The following TRIM26 variants were observed in gnomAD, a reference collection of about 807,000 sequenced individuals.
The protein encoded by TRIM26 is tripartite motif-containing protein 26.
Under a neutral mutation model 45.5 loss-of-function variants are expected in TRIM26, and 16 were observed. That is an observed-to-expected ratio of 0.35 (90% CI 0.24 to 0.53). TRIM26 has a LOEUF of 0.53. Ranked by LOEUF, TRIM26 falls within the 20% of genes least tolerant of loss-of-function variation. TRIM26 has a pLI of 0.92. For synonymous variants in TRIM26, 273 were observed against 290.4 expected, an observed-to-expected ratio of 0.94 and a Z score of 0.61; for missense variants, 442 against 691.1, an observed-to-expected ratio of 0.64 and a Z score of 4.04.
rs750277681 is a variant in TRIM26, at chr6:30,204,380, AAAAG to A, written c.-266+272_-266+275del. ...GCTTTGTAAGCGGAGTAATGCTGAC[AAAAG>A]AAAGGGGGCATATATTCTGCTGATA... On this transcript the variant is annotated intron_variant, in intron 2 of 9. Coordinates refer to ENST00000454678, the MANE Select transcript of TRIM26 (RefSeq NM_003449.5). 2.0e-5 allele frequency among the ~76,000 whole-genome samples: 3 copies of A among 152,350 alleles called. No individual in the cohort carries two copies. In the South Asian group the frequency reaches 6.2e-4, roughly 32 times the overall value.
rs1379727550 is a variant in TRIM26 at position 30,185,802 on chromosome 6, C to T, written c.*74G>A. 1.1e-5 allele frequency: 17 copies of T among 1,506,492 alleles called. No homozygotes were observed. Among genetic ancestry groups the T allele is most frequent in the Non-Finnish European group, 1.4e-5 (16 of 1,117,312 alleles). 93.3% of individuals were successfully genotyped at this position (1,506,492 alleles called of 1,614,324 possible). On this transcript the variant is annotated 3_prime_UTR_variant, in exon 10 of 10. Coordinates refer to ENST00000454678, the MANE Select transcript of TRIM26 (RefSeq NM_003449.5). This position sits in a 1 kb window ranked among gnomAD's most constrained non-coding sequence, Gnocchi z 5.7. ...CAGGTGCTTAGGCCAGGCATCCCGTCCCCCCATTGAGAGTCCTGGAATTCC... is the reference window on the plus strand; with the variant it reads ...CAGGTGCTTAGGCCAGGCATCCCGTTCCCCCATTGAGAGTCCTGGAATTCC...
chr6:30,189,963 G>T lies in TRIM26; in HGVS notation c.788+50C>A, dbSNP rs1173541544. 1 of 1,609,176 alleles carries T rather than the reference G, an allele frequency of 6.2e-7. No individual in the cohort carries two copies. The highest frequency in any genetic ancestry group is 8.5e-7 in the Non-Finnish European group (1 of 1,176,728). On this transcript the variant is annotated intron_variant, in intron 7 of 9. Transcript: ENST00000454678. The surrounding 1 kb of genome is among the most constrained non-coding windows in gnomAD (Gnocchi z 5.0). Reference sequence around the variant, plus strand: ...CAAATGCACCTGGTCAGAAGCGGGGGAACATAAACAAGGGGGATGAGGTAC... The same window carrying T: ...CAAATGCACCTGGTCAGAAGCGGGGTAACATAAACAAGGGGGATGAGGTAC...
Position 30,189,966 on chromosome 6 carries a change from C to T in TRIM26, c.788+47G>A, listed in dbSNP as rs374778885. 1.9e-6 allele frequency: 3 copies of T among 1,611,268 alleles called. No homozygotes were observed. The stretch of plus-strand genomic sequence containing the variant: ...ATGCACCTGGTCAGAAGCGGGGGAA[C>T]ATAAACAAGGGGGATGAGGTACGCC... On this transcript the variant is annotated intron_variant, in intron 7 of 9. Coordinates refer to ENST00000454678, the MANE Select transcript of TRIM26 (RefSeq NM_003449.5). The surrounding 1 kb of genome is among the most constrained non-coding windows in gnomAD (Gnocchi z 5.0).
At chr6:30,191,038 G>A (rs948400283) in intron 6 of TRIM26, among the ~76,000 whole-genome samples, 7 of 152,160 alleles carry the variant, frequency 4.6e-5, no homozygotes, top group Non-Finnish European at 7.3e-5. Context: ...GGCTTTTGCC[G>A]TGGACCAGGG....
intron 1 of TRIM26, among the ~76,000 whole-genome samples, chr6:30,211,019 C>T (rs1423108711): frequency 6.6e-6 from 1 of 152,160 alleles, no homozygotes; most frequent in African/African-American, 2.4e-5. Flanking sequence ...AGAATGTGAA[C>T]CCAAAGGTCA....
chr6:30,201,694 A>AT lies in TRIM26; in HGVS notation c.-265-557dup, dbSNP rs1219062253. On this transcript the variant is annotated intron_variant, in intron 2 of 9. Coordinates refer to ENST00000454678, the MANE Select transcript of TRIM26 (RefSeq NM_003449.5). ...CCCCATCTCTACTAAAAATACAAAA[A>AT]TTATCCAGGTGTGGTAGCATGCACC... Among the ~76,000 whole-genome samples the AT allele has an allele frequency of 2.0e-5, 3 of 152,030 alleles. No individual in the cohort carries two copies. The East Asian group carries it at 5.8e-4, about 29-fold the overall frequency.
Position 30,190,035 on chromosome 6 carries a change from C to A in TRIM26, c.766G>T (p.Asp256Tyr), listed in dbSNP as rs754733192. Residue 256 changes from aspartate (D) to tyrosine (Y), a missense_variant and splice_region_variant, in exon 7 of 10, where the codon GAC becomes TAC. By Grantham distance (160) the Asp-to-Tyr change is radical. Coordinates refer to ENST00000454678, the MANE Select transcript of TRIM26 (RefSeq NM_003449.5). This position sits in a 1 kb window ranked among gnomAD's most constrained non-coding sequence, Gnocchi z 4.3. ...AQQPAAELMQ[D>Y]TRDFLNRYPR... ...TACCTGTTTAGGAAGTCTCTCGTGT[C>A]CTAGAAGGGAAAGAAAAAAGCACAA... 1 of 1,612,892 alleles carries A rather than the reference C, an allele frequency of 6.2e-7. No homozygotes were observed. The highest frequency in any genetic ancestry group is 1.1e-5 in the South Asian group (1 of 91,076).
At position 30,204,685 on chromosome 6, in the gene TRIM26, G is replaced by A. The variant is rs184858035; in HGVS notation, c.-295C>T. 1 of 152,118 alleles carries A rather than the reference G, an allele frequency of 6.6e-6. No individual in the cohort carries two copies. Among genetic ancestry groups the A allele is most frequent in the East Asian group, 1.9e-4 (1 of 5,166 alleles). 9.4% of individuals were successfully genotyped at this position (152,118 alleles called of 1,614,324 possible). A position where few individuals can be genotyped will look rare whatever the true frequency, so the allele number is the denominator to read the frequency against. On this transcript the variant is annotated 5_prime_UTR_variant, in exon 2 of 10. Transcript: ENST00000454678. ...CCCTGCTATGGTTCTGCCCTTTTATGCCGTCAGTATATTCTCTGTGATCTC... is the reference window on the plus strand; with the variant it reads ...CCCTGCTATGGTTCTGCCCTTTTATACCGTCAGTATATTCTCTGTGATCTC...
Position 30,198,700 on chromosome 6 carries a change from G to A in TRIM26, c.404C>T (p.Ala135Val). ...RESREHRPHT[A>V]VLMEKAAQPH... ...CTGGGCGGCCTTCTCCATGAGGACGGCCGTGTGGGGCCTGTGCTCCCGGGA... is the reference window on the plus strand; with the variant it reads ...CTGGGCGGCCTTCTCCATGAGGACGACCGTGTGGGGCCTGTGCTCCCGGGA... Residue 135 changes from alanine to valine, a missense_variant, in exon 4 of 10, where the codon GCC (alanine) becomes GTC (valine). Ala to Val is a moderately conservative substitution (Grantham distance 64). Coordinates refer to ENST00000454678, the MANE Select transcript of TRIM26 (RefSeq NM_003449.5). This position sits in a 1 kb window ranked among gnomAD's most constrained non-coding sequence, Gnocchi z 6.3. The A allele has an allele frequency of 6.2e-7, 1 of 1,604,974 alleles. No individual in the cohort carries two copies. The highest frequency in any genetic ancestry group is 1.1e-5 in the South Asian group (1 of 91,034).
At position 30,190,048 on chromosome 6, in the gene TRIM26, GAA is replaced by G; in HGVS notation, c.766-15_766-14del. On this transcript the variant is annotated splice_polypyrimidine_tract_variant and intron_variant, in intron 6 of 9. Transcript: ENST00000454678. This position sits in a 1 kb window ranked among gnomAD's most constrained non-coding sequence, Gnocchi z 4.3. ...AGTCTCTCGTGTCCTAGAAGGGAAA[GAA>G]AAAAGCACAAGTATCAATATGAATC... is the stretch of plus-strand genomic sequence containing the variant. 1.2e-6 allele frequency: 2 copies of G among 1,612,788 alleles called. No individual in the cohort carries two copies. Among genetic ancestry groups the G allele is most frequent in the Non-Finnish European group, 1.7e-6 (2 of 1,179,846 alleles).
chr6:30,201,990 G>C (rs1051809700), intron 2 of TRIM26, among the ~76,000 whole-genome samples: 2 of 152,216 alleles, frequency 1.3e-5, no homozygotes, highest in Non-Finnish European at 2.9e-5. Context: ...GTGGTACTGG[G>C]CGTGTCTGTG....
chr6:30,186,716 GAC>G lies in TRIM26; in HGVS notation c.938-160_938-159del, dbSNP rs1775235855. On this transcript the variant is annotated intron_variant, in intron 9 of 9. Transcript: ENST00000454678. This position sits in a 1 kb window ranked among gnomAD's most constrained non-coding sequence, Gnocchi z 7.4. ...AACATCCTTAATTTGGTATAAGTGT[GAC>G]ACATTTTCTGGCTTTGTATTCTGCT... The G allele has an allele frequency of 9.1e-7, 1 of 1,095,596 alleles. No homozygotes were observed. 67.9% of individuals were successfully genotyped at this position (1,095,596 alleles called of 1,614,324 possible).
rs1233805050 is a variant in TRIM26, at chr6:30,189,994, G to T, written c.788+19C>A. On this transcript the variant is annotated intron_variant, in intron 7 of 9. Transcript: ENST00000454678. This position sits in a 1 kb window ranked among gnomAD's most constrained non-coding sequence, Gnocchi z 5.0. ...AAACAAGGGGGATGAGGTACGCCATGGAGAGGAGACTCTTTTACCTGTTTA... is the reference window on the plus strand; with the variant it reads ...AAACAAGGGGGATGAGGTACGCCATTGAGAGGAGACTCTTTTACCTGTTTA... The T allele has an allele frequency of 5.0e-6, 8 of 1,612,818 alleles. No individual in the cohort carries two copies. The highest frequency in any genetic ancestry group is 2.7e-5 in the African/African-American group (2 of 74,940).
chr6:30,191,404 T>TAAA lies in TRIM26; in HGVS notation c.766-1372_766-1370dup, dbSNP rs5875241. 8.6e-5 allele frequency among the ~76,000 whole-genome samples: 11 copies of TAAA among 127,270 alleles called. No homozygotes were observed. In the East Asian group the frequency reaches 2.3e-3, roughly 26 times the overall value. 83.5% of individuals were successfully genotyped at this position (127,270 alleles called of 152,430 possible). A position where few individuals can be genotyped will look rare whatever the true frequency, so the allele number is the denominator to read the frequency against. On this transcript the variant is annotated intron_variant, in intron 6 of 9. Transcript: ENST00000454678. ...ACTCATCTAGAAGCCTCAGAACAGTTAAAAAAAAAAAAAAAAAAAGAGAGA... is the reference window on the plus strand; with the variant it reads ...ACTCATCTAGAAGCCTCAGAACAGTTAAAAAAAAAAAAAAAAAAAAAAGAGAGA...
chr6:30,189,929 C>T lies in TRIM26; in HGVS notation c.788+84G>A, dbSNP rs1775642507. 7 of 1,540,196 alleles carry T rather than the reference C, an allele frequency of 4.5e-6. No homozygotes were observed. The South Asian group carries it at 6.7e-5, about 15-fold the overall frequency. The stretch of plus-strand genomic sequence containing the variant: ...AGTACCTCTGGCACCATACCACTCC[C>T]CATGAATTCAAATGCACCTGGTCAG... On this transcript the variant is annotated intron_variant, in intron 7 of 9. Transcript: ENST00000454678. The surrounding 1 kb of genome is among the most constrained non-coding windows in gnomAD (Gnocchi z 5.0).
At chr6:30,203,592 G>C (rs2523714) in intron 2 of TRIM26, among the ~76,000 whole-genome samples, 2 of 151,430 alleles carry the variant, frequency 1.3e-5, no homozygotes, top group African/African-American at 4.9e-5. Context: ...ATTTTTTGTA[G>C]TTTTAGTAGA....
Position 30,189,547 on chromosome 6 carries a change from A to G in TRIM26, c.789-14T>C, listed in dbSNP as rs1316292735. On this transcript the variant is annotated splice_polypyrimidine_tract_variant and intron_variant, in intron 7 of 9. Coordinates refer to ENST00000454678, the MANE Select transcript of TRIM26 (RefSeq NM_003449.5). This position sits in a 1 kb window ranked among gnomAD's most constrained non-coding sequence, Gnocchi z 5.0. Reference sequence around the variant, plus strand: ...TTCCGTGGATACCTAAGAAGATGACATACATAACAAGCTGTTACTCAGCTC... The same window carrying G: ...TTCCGTGGATACCTAAGAAGATGACGTACATAACAAGCTGTTACTCAGCTC... 1 of 1,598,040 alleles carries G rather than the reference A, an allele frequency of 6.3e-7. No individual in the cohort carries two copies. Among genetic ancestry groups the G allele is most frequent in the African/African-American group, 1.3e-5 (1 of 74,590 alleles).
At chr6:30,212,929 A>G (rs2394777) in intron 1 of TRIM26, among the ~76,000 whole-genome samples, 2 of 122,152 alleles carry the variant, frequency 1.6e-5, no homozygotes, top group Non-Finnish European at 1.8e-5. Flanking sequence ...AAAAAAAAAA[A>G]AAAAAAGAAA....
In TRIM26 at chr6:30,185,430, G is replaced by C. The variant is rs1314296922; in HGVS notation, c.*446C>G. 1 of 176,386 alleles carries C rather than the reference G, an allele frequency of 5.7e-6. No homozygotes were observed. The highest frequency in any genetic ancestry group is 1.2e-5 in the Non-Finnish European group (1 of 85,100). The allele number at this position is 176,386 out of a possible 1,614,324, so 10.9% of individuals were successfully genotyped here. On this transcript the variant is annotated 3_prime_UTR_variant, in exon 10 of 10. Transcript: ENST00000454678. This position sits in a 1 kb window ranked among gnomAD's most constrained non-coding sequence, Gnocchi z 5.7. The stretch of plus-strand genomic sequence containing the variant: ...GGGTAGGTCTGTTTAAAATGCCAGG[G>C]AAGGTGGGCAGCAGAGTGGATTTGT...
Sources: gnomAD v4.1 joint callset for allele counts (sites outside exome capture counted in the v4.1 genomes callset) on GRCh38, gnomAD v4.1.1 for gene constraint, Gnocchi (gnomAD v3.1) non-coding constraint, MANE v1.5 for transcripts, NCBI Gene and HGNC (gene_info 2026-07-23, HGNC 2026-07-21) for gene names.